Variants in ADAMTS6 observed in about 807,000 individuals in gnomAD.
The protein encoded by ADAMTS6 is A disintegrin and metalloproteinase with thrombospondin motifs 6.
A neutral mutation model predicts 144.3 loss-of-function variants in ADAMTS6; 23 were observed. The observed-to-expected ratio is 0.16, with a 90% CI of 0.11 to 0.23. ADAMTS6 has a LOEUF of 0.23. Ranked by LOEUF, ADAMTS6 falls within the 10% of genes least tolerant of loss-of-function variation. The pLI is 1.00. For missense variants in ADAMTS6, 999 were observed against 1,379.6 expected, an observed-to-expected ratio of 0.72 and a Z score of 4.37; for synonymous variants, 444 against 457.5, an observed-to-expected ratio of 0.97 and a Z score of 0.38.
At chr5:65,411,190 T>C (rs1755015131) in intron 7 of ADAMTS6, among the ~76,000 whole-genome samples, 1 of 152,158 alleles carries the variant, frequency 6.6e-6, no homozygotes, top group South Asian at 2.1e-4. Flanking sequence ...TATCATATTT[T>C]TAAAATCTAT....
At chr5:65,238,343 G>A (rs1758864442) in intron 15 of ADAMTS6, among the ~76,000 whole-genome samples, 1 of 151,978 alleles carries the variant, frequency 6.6e-6, no homozygotes, top group Non-Finnish European at 1.5e-5. Context: ...TAGGCTGGAT[G>A]TGTAATTCCA....
intron 11 of ADAMTS6, among the ~76,000 whole-genome samples, chr5:65,288,910 A>C (rs1742013073): frequency 6.6e-6 from 1 of 152,184 alleles, no homozygotes; most frequent in South Asian, 2.1e-4. Flanking sequence ...AGTATTTAGA[A>C]TTGTTTAAAA....
At chr5:65,233,752 C>T (rs943914058) in intron 15 of ADAMTS6, among the ~76,000 whole-genome samples, 4 of 151,908 alleles carry the variant, frequency 2.6e-5, no homozygotes, top group East Asian at 1.9e-4. Flanking sequence ...ATTCCAATGA[C>T]GTTTTTCACA....
intron 9 of ADAMTS6, among the ~76,000 whole-genome samples, chr5:65,318,926 GA>G (rs1239463540): frequency 6.6e-6 from 1 of 151,922 alleles, no homozygotes; most frequent in African/African-American, 2.4e-5. Flanking sequence ...TGAGGGGTTG[GA>G]TACCAAAATT....
At position 65,159,901 on chromosome 5, in the gene ADAMTS6, T is replaced by C. The variant is rs187591365; in HGVS notation, c.3245-7956A>G. Reference sequence around the variant, plus strand: ...GCATGTTCAGTAAATGATAATGCTATGGTTTGGTGCAAAAGTAATTTCAGT... The same window carrying C: ...GCATGTTCAGTAAATGATAATGCTACGGTTTGGTGCAAAAGTAATTTCAGT... On this transcript the variant is annotated intron_variant, in intron 24 of 24. Coordinates refer to ENST00000381055, the MANE Select transcript of ADAMTS6 (RefSeq NM_197941.4). Among the ~76,000 whole-genome samples, 786 of 152,382 alleles carry C rather than the reference T, an allele frequency of 5.2e-3. 3 individuals are homozygous for C. Among genetic ancestry groups the C allele is most frequent in the Non-Finnish European group, 9.1e-3 (620 of 68,038 alleles).
At chr5:65,440,657 CA>C (rs1946870882) in intron 7 of ADAMTS6, among the ~76,000 whole-genome samples, 1 of 152,084 alleles carries the variant, frequency 6.6e-6, no homozygotes, top group Admixed American at 6.6e-5. Flanking sequence ...TAAGGCCAGG[CA>C]AATTATCACC....
chr5:65,326,680 C>A (rs1746205718), intron 9 of ADAMTS6, among the ~76,000 whole-genome samples: 1 of 152,072 alleles, frequency 6.6e-6, no homozygotes, highest in South Asian at 2.1e-4. Context: ...ACATCCATCT[C>A]ATAAAGGATA....
At chr5:65,406,783 T>A (rs920906874) in intron 7 of ADAMTS6, among the ~76,000 whole-genome samples, 2 of 151,836 alleles carry the variant, frequency 1.3e-5, no homozygotes, top group South Asian at 2.1e-4. Flanking sequence ...GGGTTTGTCA[T>A]AAATAGCTCT....
chr5:65,356,542 T>C (rs1749342632), intron 7 of ADAMTS6, among the ~76,000 whole-genome samples: 1 of 151,950 alleles, frequency 6.6e-6, no homozygotes, highest in Admixed American at 6.6e-5. Flanking sequence ...AGAGAGCAGC[T>C]GGCCAGCTCC....
At chr5:65,340,068 G>C (rs979933856) in intron 7 of ADAMTS6, among the ~76,000 whole-genome samples, 1 of 152,018 alleles carries the variant, frequency 6.6e-6, no homozygotes. Flanking sequence ...TCCTCTCCAA[G>C]GCACACATAG....
intron 8 of ADAMTS6, 150 bp downstream of exon 8, chr5:65,333,892 A>G: frequency 3.5e-6 from 3 of 862,360 alleles, no homozygotes; most frequent in Non-Finnish European, 3.1e-6. Flanking sequence ...GGCTGGGTGT[A>G]ACAGGTTTTA....
chr5:65,168,717 CAGAA>C lies in ADAMTS6; in HGVS notation c.3244+1896_3244+1899del, dbSNP rs1186298890. On this transcript the variant is annotated intron_variant, in intron 24 of 24. Coordinates refer to ENST00000381055, the MANE Select transcript of ADAMTS6 (RefSeq NM_197941.4). ...GATCAATGGAACAGAACAGAGCCCT[CAGAA>C]ATAACGCCGCTTACCTACAACTATC... Among the ~76,000 whole-genome samples the C allele has an allele frequency of 2.3e-5, 3 of 130,616 alleles. No homozygotes were observed. In the East Asian group the frequency reaches 6.6e-4, roughly 29 times the overall value. The allele number at this position is 130,616 out of a possible 152,430, so 85.7% of individuals were successfully genotyped here.
At chr5:65,267,208 A>G (rs369377093) in intron 12 of ADAMTS6, among the ~76,000 whole-genome samples, 2 of 152,090 alleles carry the variant, frequency 1.3e-5, no homozygotes, top group African/African-American at 2.4e-5. Flanking sequence ...TTTAAACTAG[A>G]AAAGTTAAAT....
chr5:65,240,883 T>G (rs1759118241), intron 15 of ADAMTS6, among the ~76,000 whole-genome samples: 1 of 152,190 alleles, frequency 6.6e-6, no homozygotes. Context: ...GTATGTGCAT[T>G]GGTCAAAAAC....
At chr5:65,287,896 G>A (rs1741837775) in intron 11 of ADAMTS6, among the ~76,000 whole-genome samples, 1 of 152,086 alleles carries the variant, frequency 6.6e-6, no homozygotes. Flanking sequence ...ATAAATACCA[G>A]AAACTATATA....
chr5:65,328,013 G>C (rs983035189), intron 9 of ADAMTS6, among the ~76,000 whole-genome samples: 57 of 139,196 alleles, frequency 4.1e-4, no homozygotes, highest in African/African-American at 1.6e-3. Context: ...CTTGGTTAAG[G>C]GGGGGCTTTT....
chr5:65,471,757 CA>C (rs541219246), intron 2 of ADAMTS6, among the ~76,000 whole-genome samples: 14 of 133,736 alleles, frequency 1.0e-4, no homozygotes, highest in South Asian at 2.4e-4. Context: ...GACTCCGTCT[CA>C]AAAAAAAAAA....
chr5:65,292,606 C>T (rs544843781), intron 10 of ADAMTS6, among the ~76,000 whole-genome samples: 1 of 152,218 alleles, frequency 6.6e-6, no homozygotes, highest in East Asian at 1.9e-4. Flanking sequence ...TATGTTCACA[C>T]ACAGCAGCAA....
At chr5:65,392,814 G>A (rs1222286503) in intron 7 of ADAMTS6, among the ~76,000 whole-genome samples, 2 of 152,146 alleles carry the variant, frequency 1.3e-5, no homozygotes. Flanking sequence ...TTGTTTAAGA[G>A]TTTAAATGTT....
Sources: allele counts gnomAD v4.1 joint callset (sites outside exome capture counted in the v4.1 genomes callset), GRCh38; gene constraint gnomAD v4.1.1; transcripts MANE v1.5; gene names NCBI Gene and HGNC (gene_info 2026-07-23, HGNC 2026-07-21).